Variants in PRKCB observed in about 807,000 individuals in gnomAD.
The protein encoded by PRKCB is protein kinase C beta, also known as protein kinase C beta type.
Under a neutral mutation model 81.5 loss-of-function variants are expected in PRKCB, and 13 were observed. The ratio of observed to expected loss-of-function variants is 0.16; its 90% CI spans 0.10 to 0.25. PRKCB has a LOEUF of 0.25. Ranked by LOEUF, PRKCB falls within the 10% of genes least tolerant of loss-of-function variation. PRKCB has a pLI of 1.00. For synonymous variants in PRKCB, 335 were observed against 321.4 expected (o/e 1.04, Z -0.45); for missense variants, 509 against 875.7 (o/e 0.58, Z 5.29).
At chr16:23,868,333 A>G (rs1962842651) in intron 2 of PRKCB, among the ~76,000 whole-genome samples, 1 of 152,254 alleles carries the variant, frequency 6.6e-6, no homozygotes, top group Non-Finnish European at 1.5e-5. Flanking sequence ...TGGCATAAGC[A>G]AGGACTTCCC....
intron 5 of PRKCB, among the ~76,000 whole-genome samples, chr16:24,079,436 C>T (rs1966221713): frequency 6.6e-6 from 1 of 152,152 alleles, no homozygotes; most frequent in African/African-American, 2.4e-5. Context: ...GACCAGCCCC[C>T]CTTTTACACA....
intron 2 of PRKCB, among the ~76,000 whole-genome samples, chr16:23,968,436 T>C (rs750509751): frequency 6.6e-6 from 1 of 152,126 alleles, no homozygotes; most frequent in Non-Finnish European, 1.5e-5. Flanking sequence ...TTGGAGCCTA[T>C]TGAGAGCTGG....
intron 5 of PRKCB, among the ~76,000 whole-genome samples, chr16:24,050,220 C>T (rs1965823692): frequency 6.6e-6 from 1 of 152,164 alleles, no homozygotes; most frequent in Admixed American, 6.5e-5. Context: ...CAGCCATTTA[C>T]TTTCTAATCC....
chr16:23,841,596 T>C (rs1231592202), intron 2 of PRKCB, among the ~76,000 whole-genome samples: 1 of 151,118 alleles, frequency 6.6e-6, no homozygotes, highest in Non-Finnish European at 1.5e-5. Flanking sequence ...CAAGTGATTC[T>C]CCTGCCTCAG....
intron 2 of PRKCB, among the ~76,000 whole-genome samples, chr16:23,846,535 G>C (rs12922225): frequency 6.7e-6 from 1 of 149,198 alleles, no homozygotes; most frequent in Non-Finnish European, 1.5e-5. Flanking sequence ...GCTTGAACCC[G>C]GGAGGCAGAG....
intron 5 of PRKCB, among the ~76,000 whole-genome samples, chr16:24,067,352 T>C (rs1396767070): frequency 1.3e-5 from 2 of 151,992 alleles, no homozygotes; most frequent in Non-Finnish European, 2.9e-5. Context: ...TAGGCTGGAG[T>C]GCAGTGGTGC....
intron 2 of PRKCB, among the ~76,000 whole-genome samples, chr16:23,890,547 C>T (rs1963277435): frequency 6.6e-6 from 1 of 152,192 alleles, no homozygotes; most frequent in African/African-American, 2.4e-5. Context: ...CTGGTCACTT[C>T]CAACCGGGCT....
At position 24,147,856 on chromosome 16, in the gene PRKCB, A is replaced by G. The variant is rs190065369; in HGVS notation, c.1066-6828A>G. 1.7e-4 allele frequency among the ~76,000 whole-genome samples: 26 copies of G among 152,324 alleles called. 2 individuals are homozygous for G. Among genetic ancestry groups the G allele is most frequent in the African/African-American group, 6.0e-4 (25 of 41,574 alleles). Reference sequence around the variant, plus strand: ...GTATTTACTGTGGGAATTAAATAAGATAATGCATATTGGAAGTAATCAGTG... The same window carrying G: ...GTATTTACTGTGGGAATTAAATAAGGTAATGCATATTGGAAGTAATCAGTG... On this transcript the variant is annotated intron_variant, in intron 9 of 16. Transcript: ENST00000643927.
intron 2 of PRKCB, among the ~76,000 whole-genome samples, chr16:23,848,718 C>T (rs927439410): frequency 6.6e-6 from 1 of 152,182 alleles, no homozygotes; most frequent in Non-Finnish European, 1.5e-5. Flanking sequence ...ATCTTGACTT[C>T]TTGCTGTGGG....
intron 9 of PRKCB, among the ~76,000 whole-genome samples, chr16:24,144,402 G>A (rs1276729958): frequency 6.6e-6 from 1 of 152,182 alleles, no homozygotes; most frequent in Admixed American, 6.5e-5. Flanking sequence ...GGGTTCAAGT[G>A]ATACTCCTGC....
intron 2 of PRKCB, among the ~76,000 whole-genome samples, chr16:23,902,775 T>C (rs1963499417): frequency 1.3e-5 from 1 of 78,442 alleles, no homozygotes; most frequent in Non-Finnish European, 2.3e-5. Flanking sequence ...CCTTCCTTCC[T>C]TCCTTCCTCC....
At chr16:23,888,738 T>C (rs1410238198) in intron 2 of PRKCB, among the ~76,000 whole-genome samples, 1 of 152,078 alleles carries the variant, frequency 6.6e-6, no homozygotes, top group African/African-American at 2.4e-5. Context: ...CTGTAAGGAG[T>C]TATCCCTTCC....
At chr16:23,889,762 G>A (rs930262806) in intron 2 of PRKCB, among the ~76,000 whole-genome samples, 8 of 152,236 alleles carry the variant, frequency 5.3e-5, no homozygotes, top group Admixed American at 5.2e-4. Flanking sequence ...GCATGAGGCT[G>A]TAGTATGTGA....
At chr16:24,146,629 G>T (rs1322964145) in intron 9 of PRKCB, among the ~76,000 whole-genome samples, 1 of 152,238 alleles carries the variant, frequency 6.6e-6, no homozygotes, top group South Asian at 2.1e-4. Context: ...ATTGGGATTC[G>T]CCAGTAAAGT....
At chr16:24,049,047 G>GATTTTTT (rs1965801973) in intron 5 of PRKCB, among the ~76,000 whole-genome samples, 1 of 49,656 alleles carries the variant, frequency 2.0e-5, no homozygotes, top group African/African-American at 8.1e-5. Context: ...AAATTGGCCT[G>GATTTTTT]TTTTTTTTTT....
At chr16:23,974,824 A>T (rs1224401581) in intron 2 of PRKCB, among the ~76,000 whole-genome samples, 2 of 152,000 alleles carry the variant, frequency 1.3e-5, no homozygotes, top group African/African-American at 4.8e-5. Flanking sequence ...GGCTCTGGGG[A>T]TCTGGGTGGC....
chr16:23,899,240 A>T (rs1428746792), intron 2 of PRKCB, among the ~76,000 whole-genome samples: 1 of 152,234 alleles, frequency 6.6e-6, no homozygotes, highest in Non-Finnish European at 1.5e-5. Context: ...GGCAGCAGGC[A>T]CATTGGGATC....
At chr16:23,912,507 C>CTTCT (rs1963675685) in intron 2 of PRKCB, among the ~76,000 whole-genome samples, 2 of 72,086 alleles carry the variant, frequency 2.8e-5, no homozygotes, top group African/African-American at 1.2e-4. Context: ...TTTCTTTCTT[C>CTTCT]TTTTTTTTTT....
rs1968250204 is a variant in PRKCB, at chr16:24,217,668, G to A, written c.*2852G>A. ...TTAGCCATCACCAGCACAACAAACG[G>A]GGCAGGGCTTTCCAAGGTGGGGCTG... On this transcript the variant is annotated 3_prime_UTR_variant, in exon 17 of 17. Transcript: ENST00000643927. 1.0e-6 allele frequency: 1 copy of A among 985,418 alleles called. No individual in the cohort carries two copies. Among genetic ancestry groups the A allele is most frequent in the Non-Finnish European group, 1.2e-6 (1 of 830,092 alleles). 61.0% of individuals were successfully genotyped at this position (985,418 alleles called of 1,614,324 possible). A position where few individuals can be genotyped will look rare whatever the true frequency, so the allele number is the denominator to read the frequency against.
Sources: allele counts gnomAD v4.1 joint callset (sites outside exome capture counted in the v4.1 genomes callset), GRCh38; gene constraint gnomAD v4.1.1; transcripts MANE v1.5; gene names NCBI Gene and HGNC (gene_info 2026-07-23, HGNC 2026-07-21).